ADGRE3: variants seen among roughly 807,000 people sequenced by gnomAD.
The protein encoded by ADGRE3 is adhesion G protein-coupled receptor E3.
ADGRE3 carries 88 observed loss-of-function variants against 80.1 expected under a neutral mutation model. The ratio of observed to expected loss-of-function variants is 1.10; its 90% confidence interval spans 0.93 to 1.31. The LOEUF is 1.31. Among genes scored for constraint, ADGRE3 ranks in the 40% most tolerant of loss-of-function variants. The pLI is 0.00. For missense variants in ADGRE3, 715 were observed against 776.5 expected (o/e 0.92, Z 0.94); for synonymous variants, 281 against 294.8 (o/e 0.95, Z 0.48).
the ADGRE3 span, among the ~76,000 whole-genome samples, chr19:14,607,751 A>G: frequency 6.9e-6 from 1 of 144,378 alleles, no homozygotes; most frequent in African/African-American, 2.6e-5. Flanking sequence ...TAATTTTTGT[A>G]ATTTTGTAGA....
At chr19:14,620,472 TATGAGTA>T (rs1970527409) in intron 15 of ADGRE3, among the ~76,000 whole-genome samples, 5 of 123,250 alleles carry the variant, frequency 4.1e-5, no homozygotes, top group Admixed American at 8.6e-5. Context: ...ATGAATATAT[TATGAGTA>T]CATATGAATA....
chr19:14,649,188 C>T (rs1474750145), intron 7 of ADGRE3, among the ~76,000 whole-genome samples: 4 of 150,258 alleles, frequency 2.7e-5, no homozygotes, highest in East Asian at 2.0e-4. Flanking sequence ...TTCCACCTCT[C>T]TCCCTCTCTC....
In ADGRE3 at chr19:14,661,996, G is replaced by T. The variant is rs1971956933; in HGVS notation, c.322C>A (p.Gln108Lys). 2 of 1,614,136 alleles carry T rather than the reference G, an allele frequency of 1.2e-6. No individual in the cohort carries two copies. The highest frequency in any genetic ancestry group is 1.7e-6 in the Non-Finnish European group (2 of 1,179,964). The change falls in exon 4 of 16, where the codon CAA becomes AAA. Residue 108 changes from glutamine (Q) to lysine (K), a missense_variant. Coordinates refer to ENST00000253673, the MANE Select transcript of ADGRE3 (RefSeq NM_032571.5). ...GTGTTCTCATTGGAATTACTGAATT[G>T]TTCATTCCCAGAATGCAGTCTATAT... is the stretch of plus-strand genomic sequence containing the variant. ...PGYRLHSGNE[Q>K]FSNSNENTCQ...
intron 5 of ADGRE3, 40 bp downstream of exon 5, chr19:14,658,473 T>C (rs1971840111): frequency 6.7e-7 from 1 of 1,487,802 alleles, no homozygotes; most frequent in Non-Finnish European, 9.0e-7. Flanking sequence ...TTACTGATGT[T>C]TGTTACCTGG....
chr19:14,673,451 C>T (rs1032238828), intron 1 of ADGRE3, among the ~76,000 whole-genome samples: 1 of 152,168 alleles, frequency 6.6e-6, no homozygotes, highest in Non-Finnish European at 1.5e-5. Context: ...GTGGTTGAAG[C>T]CATGGAATTA....
At chr19:14,653,676 G>A (rs575183374) in intron 6 of ADGRE3, among the ~76,000 whole-genome samples, 18 of 151,952 alleles carry the variant, frequency 1.2e-4, no homozygotes, top group African/African-American at 3.9e-4. Context: ...GGGCTCAAGC[G>A]ATCCTCCCAC....
At chr19:14,642,097 G>A (rs1971270046) in intron 9 of ADGRE3, among the ~76,000 whole-genome samples, 2 of 152,150 alleles carry the variant, frequency 1.3e-5, no homozygotes, top group African/African-American at 4.8e-5. Flanking sequence ...AGATGAAAGA[G>A]TTCTGGAGAT....
At chr19:14,602,628 A>G in the ADGRE3 span, among the ~76,000 whole-genome samples, 1 of 151,956 alleles carries the variant, frequency 6.6e-6, no homozygotes, top group East Asian at 1.9e-4. Context: ...ATTTAATATA[A>G]TTACTGATTG....
intron 6 of ADGRE3, among the ~76,000 whole-genome samples, chr19:14,653,410 T>G (rs1205137116): frequency 6.6e-6 from 1 of 152,180 alleles, no homozygotes; most frequent in African/African-American, 2.4e-5. Context: ...TAAAAAAGAA[T>G]GACACTATTT....
intron 15 of ADGRE3, among the ~76,000 whole-genome samples, chr19:14,620,540 TATA>T (rs1970547392): frequency 6.2e-5 from 1 of 16,210 alleles, no homozygotes; most frequent in Non-Finnish European, 1.0e-4. Context: ...ATATATTTTA[TATA>T]TATATTATAT....
At chr19:14,659,310 A>G (rs1018562574) in intron 4 of ADGRE3, among the ~76,000 whole-genome samples, 2 of 152,018 alleles carry the variant, frequency 1.3e-5, no homozygotes, top group Non-Finnish European at 2.9e-5. Context: ...CCTAAAATGC[A>G]AGGATTACAG....
At chr19:14,655,817 A>C (rs1270818388) in intron 5 of ADGRE3, among the ~76,000 whole-genome samples, 3 of 151,932 alleles carry the variant, frequency 2.0e-5, no homozygotes, top group African/African-American at 7.3e-5. Flanking sequence ...TTTGTTAGAA[A>C]TAGACCAGTG....
intron 7 of ADGRE3, among the ~76,000 whole-genome samples, chr19:14,648,038 C>T (rs769013009): frequency 3.4e-5 from 5 of 148,420 alleles, no homozygotes; most frequent in South Asian, 2.1e-4. Context: ...GCTGCGATCA[C>T]GCCACTGCAC....
At chr19:14,610,230 G>T in the ADGRE3 span, 1 of 1,546,470 alleles carries the variant, frequency 6.5e-7, no homozygotes, top group Non-Finnish European at 8.7e-7. Flanking sequence ...CCATATCTGA[G>T]TGTCTCTTTG....
At position 14,619,379 on chromosome 19, in the gene ADGRE3, A is replaced by G. The variant is rs1970470068; in HGVS notation, c.*54T>C. 7.9e-6 allele frequency: 10 copies of G among 1,271,860 alleles called. No homozygotes were observed. The East Asian group carries it at 2.1e-4, about 26-fold the overall frequency. 78.8% of individuals were successfully genotyped at this position (1,271,860 alleles called of 1,614,324 possible). On this transcript the variant is annotated 3_prime_UTR_variant, in exon 16 of 16. Transcript: ENST00000253673. ...CTTTTCCTTAGCTTCATTCTTCATA[A>G]TGCCAAAGAGATCCATGGATATGAT...
At chr19:14,657,745 A>ATAT (rs113050691) in intron 5 of ADGRE3, among the ~76,000 whole-genome samples, 5,517 of 126,164 alleles carry the variant, frequency 0.044, 101 homozygotes, top group South Asian at 0.094. Flanking sequence ...ATATATATAT[A>ATAT]TTTTTTTGTT....
chr19:14,659,823 A>G (rs377746627), intron 4 of ADGRE3, among the ~76,000 whole-genome samples: 6 of 42,174 alleles, frequency 1.4e-4, no homozygotes, highest in African/African-American at 5.8e-4. Flanking sequence ...TCTGCCTCTG[A>G]AAAAAAAAAA....
rs147447383 is a variant in ADGRE3, at chr19:14,626,127, G to A, written c.1813-528C>T. ...TACCACAGTAAACATTTTCATTACA[G>A]GGTATATAATTGTTGTAGAAAATTT... On this transcript the variant is annotated intron_variant, in intron 14 of 15. Coordinates refer to ENST00000253673, the MANE Select transcript of ADGRE3 (RefSeq NM_032571.5). Among the ~76,000 whole-genome samples the A allele has an allele frequency of 7.5e-4, 114 of 152,094 alleles. 1 individual carries two copies. The highest frequency in any genetic ancestry group is 2.1e-3 in the African/African-American group (89 of 41,510).
chr19:14,630,497 C>T (rs186534288), intron 13 of ADGRE3, among the ~76,000 whole-genome samples: 67 of 152,100 alleles, frequency 4.4e-4, no homozygotes, highest in African/African-American at 1.6e-3. Flanking sequence ...CAACCTCCAC[C>T]TCCAGGGTTC....
Sources: gnomAD v4.1 joint callset for allele counts (sites outside exome capture counted in the v4.1 genomes callset) on GRCh38, gnomAD v4.1.1 for gene constraint, MANE v1.5 for transcripts, NCBI Gene and HGNC (gene_info 2026-07-23, HGNC 2026-07-21) for gene names.